Variants in TTC7A observed in about 807,000 individuals in gnomAD.
TTC7A encodes tetratricopeptide repeat domain 7A.
Under a neutral mutation model 103.7 loss-of-function variants are expected in TTC7A, and 110 were observed. That is an observed-to-expected ratio of 1.06 (90% confidence interval 0.91 to 1.24). TTC7A has a LOEUF of 1.24. Ranked by LOEUF, TTC7A falls within the 50% of genes most tolerant of loss-of-function variation. The pLI, the probability that TTC7A is intolerant of heterozygous loss-of-function variation, is 0.00. For synonymous variants in TTC7A, 521 were observed against 467.9 expected, an observed-to-expected ratio of 1.11 and a Z score of -1.47; for missense variants, 1,340 against 1,116.3, an observed-to-expected ratio of 1.20 and a Z score of -2.86.
At chr2:46,942,158 G>C (rs1473448105) in intron 1 of TTC7A, among the ~76,000 whole-genome samples, 2 of 152,206 alleles carry the variant, frequency 1.3e-5, no homozygotes, top group Non-Finnish European at 2.9e-5. Context: ...AGCAGACAGG[G>C]GCGAGGGTTT....
chr2:46,920,765 T>G (rs1669062827), intron 2 of TTC7A, among the ~76,000 whole-genome samples: 4 of 152,140 alleles, frequency 2.6e-5, no homozygotes, highest in Non-Finnish European at 5.9e-5. Flanking sequence ...CAAAGGCATT[T>G]TCATGATGAA....
intron 2 of TTC7A, among the ~76,000 whole-genome samples, chr2:46,918,153 C>T (rs190256756): frequency 6.6e-6 from 1 of 152,122 alleles, no homozygotes; most frequent in East Asian, 1.9e-4. Flanking sequence ...CTTAATGTGT[C>T]CCCCCAAAAT....
chr2:46,934,713 C>T (rs13032824), intron 2 of TTC7A, among the ~76,000 whole-genome samples: 1 of 150,284 alleles, frequency 6.7e-6, no homozygotes, highest in Non-Finnish European at 1.5e-5. Context: ...ACAAAAAAAC[C>T]CGCACTTCAA....
Position 46,994,426 on chromosome 2 carries a change from T to C in TTC7A, c.913T>C (p.Ser305Pro). Residue 305 changes from serine to proline, a missense_variant, in exon 7 of 20, where the codon TCC (serine) becomes CCC (proline). By Grantham distance (74) the Ser-to-Pro change is moderately conservative (BLOSUM62 -1). Transcript: ENST00000319190. Reference protein sequence around the residue: ...LSEECYWSPLSHPLPEFMGKE... With the variant: ...LSEECYWSPLPHPLPEFMGKE... The stretch of plus-strand genomic sequence containing the variant: ...TGAGGAGTGCTACTGGAGCCCCCTG[T>C]CCCACCCTCTGCCTGAGTTCATGGG... The C allele has an allele frequency of 6.2e-7, 1 of 1,614,084 alleles. No homozygotes were observed. The highest frequency in any genetic ancestry group is 1.1e-5 in the South Asian group (1 of 91,084).
intron 8 of TTC7A, among the ~76,000 whole-genome samples, chr2:46,998,461 C>T (rs983366976): frequency 1.3e-5 from 2 of 152,160 alleles, no homozygotes; most frequent in African/African-American, 4.8e-5. Context: ...GCCTCCCAAG[C>T]TCCTGCCCTG....
At chr2:47,023,620 T>C (rs959215498) in intron 13 of TTC7A, among the ~76,000 whole-genome samples, 155 bp downstream of exon 13, 1 of 152,142 alleles carries the variant, frequency 6.6e-6, no homozygotes, top group Non-Finnish European at 1.5e-5. Context: ...GGGATAGGCG[T>C]TGGGGATTGG....
chr2:46,969,964 G>C (rs768174801), intron 3 of TTC7A, among the ~76,000 whole-genome samples: 4 of 152,192 alleles, frequency 2.6e-5, no homozygotes, highest in Non-Finnish European at 5.9e-5. Context: ...CTACCTGGCA[G>C]GGTTTCAGAG....
intron 5 of TTC7A, among the ~76,000 whole-genome samples, chr2:46,982,360 T>G: frequency 1.3e-5 from 2 of 149,744 alleles, no homozygotes; most frequent in South Asian, 4.3e-4. Flanking sequence ...AGCAGCAGAG[T>G]GAGACCCTCT....
chr2:47,058,814 T>G (rs561583056), intron 18 of TTC7A, among the ~76,000 whole-genome samples: 70 of 152,168 alleles, frequency 4.6e-4, no homozygotes, highest in African/African-American at 1.3e-3. Context: ...TGTGTGTGTG[T>G]GGGGGCTGGC....
At chr2:46,940,620 A>G (rs1032457629), upstream of TTC7A, among the ~76,000 whole-genome samples, 2 of 152,266 alleles carry the variant, frequency 1.3e-5, no homozygotes, top group East Asian at 1.9e-4. The surrounding 1 kb of genome is among the most constrained non-coding windows in gnomAD (Gnocchi z 4.7). Flanking sequence ...ATCCAGGGCA[A>G]CAGAGATTCC....
intron 8 of TTC7A, among the ~76,000 whole-genome samples, chr2:46,995,535 A>T (rs1467992570): frequency 6.6e-6 from 1 of 152,228 alleles, no homozygotes; most frequent in African/African-American, 2.4e-5. Context: ...GGGTGCTGTG[A>T]CAGATTTGAG....
At chr2:46,974,732 C>T (rs573905863) in intron 3 of TTC7A, 12 of 597,228 alleles carry the variant, frequency 2.0e-5, no homozygotes, top group African/African-American at 1.3e-4. Context: ...GTGGCTTCCC[C>T]GGGTAGTTGG....
In TTC7A at chr2:46,975,007, C is replaced by T. The variant is rs780077700; in HGVS notation, c.552C>T (p.Ala184=). The T allele has an allele frequency of 1.1e-5, 18 of 1,613,968 alleles. No individual in the cohort carries two copies. The highest frequency in any genetic ancestry group is 8.0e-5 in the African/African-American group (6 of 74,936). The change falls in exon 4 of 20, where the codon GCC becomes GCT. Residue 184 remains alanine (A), a synonymous_variant. Transcript: ENST00000319190. ...TGGAACGCCTACCCAACTCCATCGCCTCCCGCTTCCGCCTGACAGAGAGGG... is the reference window on the plus strand; with the variant it reads ...TGGAACGCCTACCCAACTCCATCGCTTCCCGCTTCCGCCTGACAGAGAGGG... ...LSLERLPNSI[A]SRFRLTEREE...
At chr2:46,936,910 A>G (rs1212595118), upstream of TTC7A, among the ~76,000 whole-genome samples, 1 of 149,846 alleles carries the variant, frequency 6.7e-6, no homozygotes, top group East Asian at 2.0e-4. Context: ...GCTGGAGTGC[A>G]GTGGCACGAT....
chr2:47,059,009 C>CTTTTTTT lies in TTC7A; in HGVS notation c.2153-1736_2153-1730dup, dbSNP rs35753980. Among the ~76,000 whole-genome samples the CTTTTTTT allele has an allele frequency of 4.0e-3, 181 of 44,720 alleles. 50 individuals carry two copies. The highest frequency in any genetic ancestry group is 0.021 in the African/African-American group (176 of 8,320). 29.3% of individuals were successfully genotyped at this position (44,720 alleles called of 152,430 possible). ...GTGGGGTCCTCACCTCCTAAGCCTG[C>CTTTTTTT]TTTTTTTTTTTTTTTTTTTTTTTTT... On this transcript the variant is annotated intron_variant, in intron 18 of 19. Coordinates refer to ENST00000319190, the MANE Select transcript of TTC7A (RefSeq NM_020458.4).
intron 2 of TTC7A, among the ~76,000 whole-genome samples, chr2:46,924,297 C>T (rs953453900): frequency 6.6e-6 from 1 of 151,842 alleles, no homozygotes; most frequent in East Asian, 1.9e-4. Flanking sequence ...CCAGGGAAGC[C>T]TTGGTATCAG....
chr2:47,064,085 G>A (rs943337289), intron 19 of TTC7A, among the ~76,000 whole-genome samples: 3 of 152,230 alleles, frequency 2.0e-5, no homozygotes, highest in African/African-American at 7.2e-5. Context: ...CCTGCTCTGG[G>A]TTCAGCTTAG....
chr2:47,061,689 A>G lies in TTC7A; in HGVS notation c.2355+718A>G, dbSNP rs184849251. Among the ~76,000 whole-genome samples the G allele has an allele frequency of 5.3e-5, 8 of 152,294 alleles. No homozygotes were observed. The South Asian group carries it at 1.2e-3, about 24-fold the overall frequency. On this transcript the variant is annotated intron_variant, in intron 19 of 19. Transcript: ENST00000319190. ...CCACCTTCTCTGAACCTTAGTTTTA[A>G]TTATCTGTCCGGTGGATATCCTCTG...
chr2:47,002,955 A>C (rs1321625263), intron 8 of TTC7A, among the ~76,000 whole-genome samples: 1 of 152,042 alleles, frequency 6.6e-6, no homozygotes, highest in Non-Finnish European at 1.5e-5. Context: ...CTGCCTATTG[A>C]GGGCCTATCA....
Sources: allele counts gnomAD v4.1 joint callset (sites outside exome capture counted in the v4.1 genomes callset), GRCh38; gene constraint gnomAD v4.1.1; non-coding constraint Gnocchi (gnomAD v3.1); transcripts MANE v1.5; gene names NCBI Gene and HGNC (gene_info 2026-07-23, HGNC 2026-07-21).